Variants in PDZRN3 observed in about 807,000 individuals in gnomAD.
PDZRN3 encodes E3 ubiquitin-protein ligase PDZRN3.
Under a neutral mutation model 85.7 loss-of-function variants are expected in PDZRN3, and 38 were observed. That is an observed-to-expected ratio of 0.44 (90% CI 0.34 to 0.58). The LOEUF is 0.58. Among genes scored for constraint, PDZRN3 ranks in the 20% least tolerant of loss-of-function variants. The pLI is 0.01. For synonymous variants in PDZRN3, 759 were observed against 638.0 expected (o/e 1.19, Z -2.86); for missense variants, 1,629 against 1,506.4 (o/e 1.08, Z -1.35).
chr3:73,572,199 G>A (rs944897966), intron 3 of PDZRN3, among the ~76,000 whole-genome samples: 1 of 152,064 alleles, frequency 6.6e-6, no homozygotes, highest in African/African-American at 2.4e-5. Flanking sequence ...CCATTTGCCC[G>A]GGCTGTGAAT....
chr3:73,514,122 T>C (rs971513906), intron 3 of PDZRN3, among the ~76,000 whole-genome samples: 1 of 152,096 alleles, frequency 6.6e-6, no homozygotes, highest in Admixed American at 6.5e-5. Flanking sequence ...TAGAAGTACT[T>C]GTGTTGTCTT....
chr3:73,602,028 G>C (rs925483290), intron 3 of PDZRN3, among the ~76,000 whole-genome samples: 5 of 152,192 alleles, frequency 3.3e-5, no homozygotes, highest in Admixed American at 6.5e-5. Context: ...TTGTACAACA[G>C]GGTTCGTTCA....
chr3:73,447,636 A>G (rs1353034599), intron 3 of PDZRN3, among the ~76,000 whole-genome samples: 1 of 152,154 alleles, frequency 6.6e-6, no homozygotes. Flanking sequence ...CCTCCATTCA[A>G]ACTATCTAAA....
At position 73,384,490 on chromosome 3, in the gene PDZRN3, C is replaced by G. The variant is rs1559646652; in HGVS notation, c.2076G>C (p.Leu692=). ...TCAGGCACTCCAGCTCGATGCTGCG[C>G]AGCTCTTCGTTCAGCAGCTCCAGCT... is the stretch of plus-strand genomic sequence containing the variant. The part of the protein sequence containing the change: ...DKELELLNEE[L]RSIELECLSI... The change falls in exon 10 of 10, where the codon CTG becomes CTC. Residue 692 remains leucine (L), a synonymous_variant. Coordinates refer to ENST00000263666, the MANE Select transcript of PDZRN3 (RefSeq NM_015009.3). 1.2e-6 allele frequency: 2 copies of G among 1,613,622 alleles called. No individual in the cohort carries two copies. Among genetic ancestry groups the G allele is most frequent in the Non-Finnish European group, 1.7e-6 (2 of 1,180,032 alleles).
intron 3 of PDZRN3, among the ~76,000 whole-genome samples, chr3:73,586,492 T>C (rs1019896000): frequency 6.6e-6 from 1 of 152,242 alleles, no homozygotes. Flanking sequence ...GGCATGGTGC[T>C]AGTACTGAGA....
intron 3 of PDZRN3, among the ~76,000 whole-genome samples, chr3:73,473,017 A>G (rs1299106520): frequency 6.6e-6 from 1 of 152,170 alleles, no homozygotes; most frequent in East Asian, 1.9e-4. Flanking sequence ...GACCTCTCAA[A>G]ATTCTAGGCA....
intron 8 of PDZRN3, among the ~76,000 whole-genome samples, chr3:73,386,226 CTT>C (rs71126867): frequency 1.2e-4 from 11 of 90,692 alleles, no homozygotes; most frequent in Admixed American, 4.5e-4. Flanking sequence ...CAAGATATCA[CTT>C]TTTTTTTTTT....
intron 3 of PDZRN3, among the ~76,000 whole-genome samples, chr3:73,516,705 T>C (rs1402138568): frequency 6.6e-6 from 1 of 152,196 alleles, no homozygotes. Context: ...TAAATAGGCA[T>C]CCATGAAAAA....
At chr3:73,584,546 CAGAG>C (rs1291523290) in intron 3 of PDZRN3, among the ~76,000 whole-genome samples, 1 of 150,932 alleles carries the variant, frequency 6.6e-6, no homozygotes, top group African/African-American at 2.4e-5. Context: ...ATTTAGAAAA[CAGAG>C]AAAATATTAA....
chr3:73,477,033 T>C (rs1004412311), intron 3 of PDZRN3, among the ~76,000 whole-genome samples: 39 of 152,224 alleles, frequency 2.6e-4, no homozygotes, highest in Non-Finnish European at 5.7e-4. Context: ...ACCATATATT[T>C]ATTGAGTTCT....
At chr3:73,411,719 G>A (rs1257472244) in intron 3 of PDZRN3, among the ~76,000 whole-genome samples, 1 of 152,148 alleles carries the variant, frequency 6.6e-6, no homozygotes, top group Non-Finnish European at 1.5e-5. Flanking sequence ...CTTGAAAACG[G>A]TGTCTCCCAG....
At chr3:73,516,809 C>T (rs968365666) in intron 3 of PDZRN3, among the ~76,000 whole-genome samples, 17 of 80,202 alleles carry the variant, frequency 2.1e-4, no homozygotes, top group African/African-American at 5.7e-4. Context: ...GACACGGAGT[C>T]CTGGACACCT....
chr3:73,507,985 T>A (rs1262589587), intron 3 of PDZRN3, among the ~76,000 whole-genome samples: 3 of 151,826 alleles, frequency 2.0e-5, no homozygotes, highest in Non-Finnish European at 4.4e-5. Flanking sequence ...CCCAGCTACT[T>A]GGGAGGCTGA....
intron 3 of PDZRN3, among the ~76,000 whole-genome samples, chr3:73,477,952 C>A (rs553142173): frequency 1.9e-4 from 29 of 152,258 alleles, no homozygotes; most frequent in South Asian, 8.3e-4. Flanking sequence ...ATTATCATGA[C>A]AACAACATGG....
chr3:73,541,068 A>C, intron 3 of PDZRN3, among the ~76,000 whole-genome samples: 1 of 152,158 alleles, frequency 6.6e-6, no homozygotes, highest in East Asian at 1.9e-4. Context: ...GAAAACTTTT[A>C]ATTCCATTTA....
chr3:73,598,445 C>A (rs1575757524), intron 3 of PDZRN3, among the ~76,000 whole-genome samples: 1 of 152,202 alleles, frequency 6.6e-6, no homozygotes, highest in East Asian at 1.9e-4. Flanking sequence ...TAAAAAGGAC[C>A]AGGACAGCTC....
chr3:73,619,160 G>A (rs768897177), intron 1 of PDZRN3, among the ~76,000 whole-genome samples: 29 of 152,060 alleles, frequency 1.9e-4, no homozygotes, highest in Non-Finnish European at 3.5e-4. Context: ...GGGTCATCAC[G>A]GAGAAACTCA....
intron 3 of PDZRN3, among the ~76,000 whole-genome samples, chr3:73,502,839 T>G (rs570582415): frequency 6.6e-6 from 1 of 152,242 alleles, no homozygotes; most frequent in East Asian, 1.9e-4. Context: ...CCTCTCTCAG[T>G]TGAAACGAAT....
intron 3 of PDZRN3, among the ~76,000 whole-genome samples, chr3:73,543,166 A>C (rs1701327029): frequency 6.6e-6 from 1 of 152,242 alleles, no homozygotes; most frequent in South Asian, 2.1e-4. Flanking sequence ...ATGCCAAGAC[A>C]AACAGCATCC....
Sources: allele counts gnomAD v4.1 joint callset (sites outside exome capture counted in the v4.1 genomes callset), GRCh38; gene constraint gnomAD v4.1.1; transcripts MANE v1.5; gene names NCBI Gene and HGNC (gene_info 2026-07-23, HGNC 2026-07-21).